The following CELF1 variants were observed in gnomAD, a reference collection of about 807,000 sequenced individuals.
CELF1 encodes CUGBP Elav-like family member 1.
CELF1 carries 10 observed loss-of-function variants against 61.8 expected under a neutral mutation model. That is an observed-to-expected ratio of 0.16 (90% CI 0.10 to 0.27). CELF1 has a LOEUF of 0.27. CELF1 is among the 10% of genes least tolerant of loss of function. The pLI is 1.00. For missense variants in CELF1, 380 were observed against 639.1 expected, an observed-to-expected ratio of 0.59 and a Z score of 4.37; for synonymous variants, 236 against 225.1, an observed-to-expected ratio of 1.05 and a Z score of -0.43.
rs2077134476 is a variant in CELF1 at position 47,469,006 on chromosome 11, G to C, written c.*3224C>G. On this transcript the variant is annotated 3_prime_UTR_variant, in exon 15 of 15. Transcript: ENST00000687097. ...CACTGTGTGTACAGCCCTGAAATGA[G>C]GTGGGCGGGCAGGGGTTGGGTAATG... 6.6e-6 allele frequency: 1 copy of C among 152,316 alleles called. No individual in the cohort carries two copies. The highest frequency in any genetic ancestry group is 6.5e-5 in the Admixed American group (1 of 15,290). The allele number at this position is 152,316 out of a possible 1,614,324, so 9.4% of individuals were successfully genotyped here.
At chr11:47,529,658 C>T (rs1444290921) in intron 1 of CELF1, among the ~76,000 whole-genome samples, 1 of 150,960 alleles carries the variant, frequency 6.6e-6, no homozygotes, top group African/African-American at 2.4e-5. Context: ...GACTCCGACT[C>T]GGGAAAAAAA....
intron 13 of CELF1, 98 bp downstream of exon 13, chr11:47,475,238 G>A (rs764475139): frequency 3.7e-6 from 4 of 1,093,412 alleles, no homozygotes; most frequent in Admixed American, 3.8e-5. Flanking sequence ...ATGGTCTGAC[G>A]ACCTAACTGG....
chr11:47,536,379 TAG>T (rs1289430209), intron 1 of CELF1, among the ~76,000 whole-genome samples: 3 of 152,118 alleles, frequency 2.0e-5, no homozygotes, highest in Non-Finnish European at 4.4e-5. Flanking sequence ...AATAGATAGA[TAG>T]ATAGACAGAC....
Position 47,477,356 on chromosome 11 carries a change from G to A in CELF1, c.914C>T (p.Pro305Leu). The A allele has an allele frequency of 6.2e-7, 1 of 1,613,718 alleles. No individual in the cohort carries two copies. The highest frequency in any genetic ancestry group is 8.5e-7 in the Non-Finnish European group (1 of 1,179,688). ...TGTAGTGAGAGCATTGGTACCACTT[G>A]GTGTGTTCTGAGCTGCACTAGCTGC... ...AAAASAAQNT[P>L]SGTNALTTSS... The change falls in exon 11 of 15, where the codon CCA (proline) becomes CTA (leucine). Residue 305 changes from proline (P) to leucine (L), a missense_variant. Pro to Leu is a moderately conservative substitution (Grantham distance 98). Coordinates refer to ENST00000687097, the MANE Select transcript of CELF1 (RefSeq NM_001376376.1).
At chr11:47,542,230 C>T (rs1416260493) in intron 1 of CELF1, among the ~76,000 whole-genome samples, 1 of 152,110 alleles carries the variant, frequency 6.6e-6, no homozygotes, top group Admixed American at 6.6e-5. Context: ...ATTAGCCAGG[C>T]ATGCTGGCAG....
intron 9 of CELF1, 32 bp downstream of exon 9, chr11:47,482,663 C>T (rs773687016): frequency 3.8e-6 from 6 of 1,598,022 alleles, no homozygotes; most frequent in East Asian, 2.2e-5. Context: ...GGAGCTTGCA[C>T]AGTCTGCAGA....
intron 4 of CELF1, 133 bp from the exon 5 acceptor site, chr11:47,487,374 T>C: frequency 1.6e-6 from 1 of 625,910 alleles, no homozygotes; most frequent in South Asian, 1.9e-5. Flanking sequence ...GGGAGGGTAG[T>C]GGAAAAGAAC....
At chr11:47,555,565 T>A (rs2097203418), upstream of CELF1, among the ~76,000 whole-genome samples, 1 of 152,104 alleles carries the variant, frequency 6.6e-6, no homozygotes, top group Admixed American at 6.6e-5. Flanking sequence ...CACAAATAGA[T>A]CTTGTAACTT....
At position 47,499,476 on chromosome 11, in the gene CELF1, A is replaced by G; in HGVS notation, c.48T>C (p.His16=). The G allele has an allele frequency of 6.5e-7, 1 of 1,536,076 alleles. No homozygotes were observed. Among genetic ancestry groups the G allele is most frequent in the Non-Finnish European group, 8.7e-7 (1 of 1,146,862 alleles). ...ACACGGGACTGGAATTCAAAGAGCA[A>G]TGATCCACCATCATTTCTGGAAGGA... ...LDFLPEMMVD[H]CSLNSSPVSK... Residue 16 remains histidine, a synonymous_variant, in exon 3 of 15, where the codon CAT becomes CAC. Transcript: ENST00000687097.
chr11:47,551,285 T>C (rs1361280553), intron 1 of CELF1, among the ~76,000 whole-genome samples: 1 of 152,142 alleles, frequency 6.6e-6, no homozygotes, highest in Admixed American at 6.5e-5. Flanking sequence ...CCATTCTTAA[T>C]GGAAACAGGT....
chr11:47,488,706 CAG>C (rs1000360433), intron 4 of CELF1, 129 bp downstream of exon 4: 6 of 631,764 alleles, frequency 9.5e-6, no homozygotes, highest in Non-Finnish European at 1.5e-5. Context: ...CTGGCAATGA[CAG>C]AGAGAATGCA....
chr11:47,534,073 G>A (rs1225184005), intron 1 of CELF1, among the ~76,000 whole-genome samples: 5 of 120,470 alleles, frequency 4.2e-5, no homozygotes, highest in Non-Finnish European at 8.0e-5. Context: ...TTGTTGCCCA[G>A]GCTGAAGTAC....
intron 3 of CELF1, among the ~76,000 whole-genome samples, chr11:47,491,158 C>G (rs1180651153): frequency 6.6e-6 from 1 of 151,386 alleles, no homozygotes; most frequent in Non-Finnish European, 1.5e-5. Context: ...CCACCGTGCC[C>G]AGCCTATTTC....
chr11:47,535,768 T>C (rs1197979648), intron 1 of CELF1, among the ~76,000 whole-genome samples: 1 of 151,594 alleles, frequency 6.6e-6, no homozygotes, highest in African/African-American at 2.4e-5. Flanking sequence ...TTTTTTGTTT[T>C]TGTTTTTTTC....
At chr11:47,546,141 A>T (rs2096940320) in intron 1 of CELF1, among the ~76,000 whole-genome samples, 1 of 150,564 alleles carries the variant, frequency 6.6e-6, no homozygotes, top group Admixed American at 6.7e-5. Flanking sequence ...CGATCTCCTG[A>T]CCTTGTGATC....
intron 7 of CELF1, 120 bp from the exon 8 acceptor site, chr11:47,483,652 G>C (rs2084819182): frequency 1.4e-6 from 1 of 722,554 alleles, no homozygotes; most frequent in Non-Finnish European, 2.4e-6. Context: ...TGTTTTCAGG[G>C]AATCATGTGC....
intron 1 of CELF1, among the ~76,000 whole-genome samples, chr11:47,515,930 T>A (rs962579986): frequency 5.3e-5 from 8 of 150,974 alleles, no homozygotes; most frequent in Non-Finnish European, 1.2e-4. Flanking sequence ...TTATTTATTT[T>A]TTTTTAGATA....
In CELF1 at chr11:47,475,424, C is replaced by T. The variant is rs1052453430; in HGVS notation, c.1185G>A (p.Gln395=). The T allele has an allele frequency of 1.9e-6, 3 of 1,614,122 alleles. No individual in the cohort carries two copies. The highest frequency in any genetic ancestry group is 1.7e-5 in the Admixed American group (1 of 60,022). ...EALTQAYSGI[Q]QYAAAALPTL... ...TGGGGAGCGCAGCAGCAGCATATTG[C>T]TGGATACCCGAGTAGGCCTGAGTGA... The change falls in exon 13 of 15, where the codon CAG becomes CAA. Residue 395 remains glutamine (Q), a synonymous_variant. Transcript: ENST00000687097.
Position 47,487,250 on chromosome 11 carries a change from AATAAG to A in CELF1, c.260-14_260-10del. The A allele has an allele frequency of 6.2e-7, 1 of 1,603,988 alleles. No individual in the cohort carries two copies. Among genetic ancestry groups the A allele is most frequent in the Non-Finnish European group, 8.5e-7 (1 of 1,174,482 alleles). On this transcript the variant is annotated splice_polypyrimidine_tract_variant and intron_variant, in intron 4 of 14. Transcript: ENST00000687097. ...TGTAACAAAACAGCACCCTGCAATA[AATAAG>A]ATTTCATAAAATCAAACTTTGGAAA... is the stretch of plus-strand genomic sequence containing the variant.
Sources: gnomAD v4.1 joint callset for allele counts (sites outside exome capture counted in the v4.1 genomes callset) on GRCh38, gnomAD v4.1.1 for gene constraint, MANE v1.5 for transcripts, NCBI Gene and HGNC (gene_info 2026-07-23, HGNC 2026-07-21) for gene names.